Variants in SND1 observed in about 807,000 individuals in gnomAD.
The protein encoded by SND1 is staphylococcal nuclease domain-containing protein 1.
Under a neutral mutation model 121.7 loss-of-function variants are expected in SND1, and 38 were observed. That is an observed-to-expected ratio of 0.31 (90% CI 0.24 to 0.41). The LOEUF (loss-of-function observed/expected upper bound fraction) is 0.41. Among genes scored for constraint, SND1 ranks in the 10% least tolerant of loss-of-function variants. The pLI is 1.00. For synonymous variants in SND1, 401 were observed against 447.4 expected, an observed-to-expected ratio of 0.90 and a Z score of 1.31; for missense variants, 868 against 1,184.6, an observed-to-expected ratio of 0.73 and a Z score of 3.92.
chr7:127,722,635 A>G (rs578117723), intron 10 of SND1, among the ~76,000 whole-genome samples: 12 of 152,316 alleles, frequency 7.9e-5, no homozygotes, highest in African/African-American at 1.9e-4. Flanking sequence ...TTGCACATAT[A>G]CATATCTTGG....
At chr7:127,958,400 G>A (rs1254938065) in intron 15 of SND1, among the ~76,000 whole-genome samples, 1 of 152,198 alleles carries the variant, frequency 6.6e-6, no homozygotes, top group Non-Finnish European at 1.5e-5. Flanking sequence ...CCAGTCGTCT[G>A]TGTCCGTATC....
intron 14 of SND1, chr7:127,928,316 C>G (rs1031277110): frequency 6.6e-6 from 1 of 152,132 alleles, no homozygotes; most frequent in East Asian, 1.9e-4. Flanking sequence ...GAACAGTATG[C>G]CCCAGGTATC....
rs987975007 is a variant in SND1, at chr7:127,859,215, G to A, written c.1343+14791G>A. On this transcript the variant is annotated intron_variant, in intron 12 of 23. Transcript: ENST00000354725. ...CTTGGTTTTGTCATAATGGCCACAA[G>A]TTAGCTTATTTATCCTTATTTCCCA... 5.3e-5 allele frequency among the ~76,000 whole-genome samples: 8 copies of A among 152,316 alleles called. No individual in the cohort carries two copies. The East Asian group carries it at 1.5e-3, about 29-fold the overall frequency.
At chr7:127,816,664 T>G (rs1028208920) in intron 11 of SND1, among the ~76,000 whole-genome samples, 1 of 141,586 alleles carries the variant, frequency 7.1e-6, no homozygotes, top group African/African-American at 2.8e-5. Flanking sequence ...CTCAAACTCT[T>G]TTTTTTTTTT....
At chr7:127,801,525 G>A (rs995400290) in intron 10 of SND1, among the ~76,000 whole-genome samples, 2 of 152,104 alleles carry the variant, frequency 1.3e-5, no homozygotes, top group Non-Finnish European at 2.9e-5. Flanking sequence ...ACTGGAATCT[G>A]CATCCATACA....
At chr7:127,955,658 A>G (rs1206516084) in intron 15 of SND1, among the ~76,000 whole-genome samples, 1 of 152,128 alleles carries the variant, frequency 6.6e-6, no homozygotes, top group Non-Finnish European at 1.5e-5. Flanking sequence ...TCTCAGGCAT[A>G]TCATCAGCAA....
chr7:127,997,684 C>T (rs895003643), intron 16 of SND1: 2 of 528,172 alleles, frequency 3.8e-6, no homozygotes, highest in South Asian at 2.8e-5. Flanking sequence ...TTGATAACCT[C>T]TCCAACTTTA....
At chr7:128,061,528 A>T (rs1584767831) in intron 16 of SND1, among the ~76,000 whole-genome samples, 1 of 152,220 alleles carries the variant, frequency 6.6e-6, no homozygotes, top group African/African-American at 2.4e-5. Context: ...AGCACTGCTC[A>T]TTGTGACCTA....
intron 16 of SND1, chr7:128,030,680 G>T: frequency 6.6e-7 from 1 of 1,522,742 alleles, no homozygotes; most frequent in South Asian, 1.3e-5. Flanking sequence ...CTGGGATTTT[G>T]GCTCGGAAAG....
At position 127,938,683 on chromosome 7, in the gene SND1, G is replaced by C. The variant is rs527938805; in HGVS notation, c.1669+9354G>C. On this transcript the variant is annotated intron_variant, in intron 15 of 23. Transcript: ENST00000354725. ...TTTTTCTCTCCGCTTTTGTATTGGT[G>C]TGTAAATCTCCCTCTTAGCTCTTCT... Among the ~76,000 whole-genome samples, 16 of 152,308 alleles carry C rather than the reference G, an allele frequency of 1.1e-4. No individual in the cohort carries two copies. The East Asian group carries it at 2.9e-3, about 28-fold the overall frequency.
chr7:127,883,597 A>AT (rs1331904767), intron 12 of SND1, among the ~76,000 whole-genome samples: 1 of 152,144 alleles, frequency 6.6e-6, no homozygotes, highest in East Asian at 1.9e-4. Context: ...GAGGCAGGAC[A>AT]TTTTCCTGCA....
chr7:127,774,544 C>T (rs898726942), intron 10 of SND1, among the ~76,000 whole-genome samples: 2 of 151,950 alleles, frequency 1.3e-5, no homozygotes, highest in East Asian at 1.9e-4. Context: ...GCTGTAGTCA[C>T]GGTAAGTGCA....
intron 16 of SND1, among the ~76,000 whole-genome samples, chr7:128,044,674 C>T (rs945592916): frequency 6.6e-4 from 88 of 133,724 alleles, no homozygotes; most frequent in African/African-American, 2.3e-3. Flanking sequence ...ACCTTTTATC[C>T]GTCTTCTCAT....
intron 15 of SND1, among the ~76,000 whole-genome samples, chr7:127,984,272 G>A (rs1802333810): frequency 3.3e-5 from 5 of 152,246 alleles, no homozygotes; most frequent in African/African-American, 9.6e-5. Flanking sequence ...TAGCTGGTCA[G>A]TGTTGACCAC....
chr7:127,657,242 A>G (rs1795227542), intron 1 of SND1, among the ~76,000 whole-genome samples: 1 of 152,224 alleles, frequency 6.6e-6, no homozygotes, highest in Non-Finnish European at 1.5e-5. Flanking sequence ...GAGTCAGACA[A>G]TAAAGAAGTT....
At chr7:127,926,446 A>G (rs1256366841) in intron 14 of SND1, among the ~76,000 whole-genome samples, 1 of 151,388 alleles carries the variant, frequency 6.6e-6, no homozygotes, top group African/African-American at 2.4e-5. Flanking sequence ...CCTCAAGAAT[A>G]TGGGGAACTC....
At chr7:128,049,934 G>C (rs1793018463) in intron 16 of SND1, among the ~76,000 whole-genome samples, 1 of 152,102 alleles carries the variant, frequency 6.6e-6, no homozygotes, top group Admixed American at 6.6e-5. Context: ...GGGGAGGCTG[G>C]GGTAAACGCC....
At chr7:128,022,120 G>A (rs902319565) in intron 16 of SND1, among the ~76,000 whole-genome samples, 12 of 148,694 alleles carry the variant, frequency 8.1e-5, no homozygotes, top group South Asian at 2.1e-4. Context: ...CAGGAGAATC[G>A]CTTGAACCCG....
intron 10 of SND1, among the ~76,000 whole-genome samples, chr7:127,750,781 A>G (rs1797076475): frequency 6.6e-6 from 1 of 152,170 alleles, no homozygotes; most frequent in Non-Finnish European, 1.5e-5. Flanking sequence ...ATTTACACCA[A>G]CTAGGATAAG....
Sources: allele counts gnomAD v4.1 joint callset (sites outside exome capture counted in the v4.1 genomes callset), GRCh38; gene constraint gnomAD v4.1.1; transcripts MANE v1.5; gene names NCBI Gene and HGNC (gene_info 2026-07-23, HGNC 2026-07-21).